Variants in ACE observed in about 807,000 individuals in gnomAD.
ACE encodes the protein angiotensin-converting enzyme.
A neutral mutation model predicts 162.3 loss-of-function variants in ACE; 122 were observed. That is an observed-to-expected ratio of 0.75 (90% CI 0.65 to 0.87). The LOEUF is 0.87. ACE is among the 40% of genes least tolerant of loss of function. ACE has a pLI of 0.00. For synonymous variants in ACE, 796 were observed against 720.6 expected (o/e 1.10, Z -1.68); for missense variants, 1,799 against 1,735.1 (o/e 1.04, Z -0.65).
rs1337718181 is a variant in ACE, at chr17:63,484,363, G to T, written c.1743G>T (p.Trp581Cys). Residue 581 changes from tryptophan to cysteine, a missense_variant, in exon 12 of 25, where the codon TGG becomes TGT. Coordinates refer to ENST00000290866, the MANE Select transcript of ACE (RefSeq NM_000789.4). This position sits in a 1 kb window ranked among gnomAD's most constrained non-coding sequence, Gnocchi z 4.0. ...TGCAGGCTGGCTCCTCCAGGCCCTG[G>T]CAGGAGGTGCTGAAGGACATGGTCG... ...KVLQAGSSRP[W>C]QEVLKDMVGL... 6.2e-7 allele frequency: 1 copy of T among 1,611,406 alleles called. No individual in the cohort carries two copies. The highest frequency in any genetic ancestry group is 2.2e-5 in the East Asian group (1 of 44,862).
chr17:63,491,273 C>T lies in ACE; in HGVS notation c.2804C>T (p.Pro935Leu), dbSNP rs537884559. Residue 935 changes from proline to leucine, a missense_variant, in exon 19 of 25, where the codon CCC becomes CTC. By Grantham distance (98) the Pro-to-Leu change is moderately conservative. Transcript: ENST00000290866. This position sits in a 1 kb window ranked among gnomAD's most constrained non-coding sequence, Gnocchi z 4.4. ...DDFFTSLGLL[P>L]VPPEFWNKSM... ...TTCTTCACCTCCCTGGGGCTGCTGC[C>T]CGTGCCTCCTGAGTTCTGGAACAAG... The T allele has an allele frequency of 2.7e-5, 44 of 1,614,150 alleles. No homozygotes were observed. The South Asian group carries it at 4.0e-4, about 15-fold the overall frequency.
intron 2 of ACE, 31 bp from the exon 3 acceptor site, chr17:63,478,976 A>G: frequency 6.3e-7 from 1 of 1,580,162 alleles, no homozygotes; most frequent in Non-Finnish European, 8.7e-7. Flanking sequence ...GGGGCTGGTC[A>G]CTGGAGCATT....
intron 22 of ACE, among the ~76,000 whole-genome samples, chr17:63,494,741 T>C (rs1371384774): frequency 6.6e-6 from 1 of 152,266 alleles, no homozygotes; most frequent in African/African-American, 2.4e-5. Flanking sequence ...CTTGGTTAAG[T>C]AGTTAACATT....
chr17:63,478,352 G>A, intron 2 of ACE: 2 of 538,424 alleles, frequency 3.7e-6, no homozygotes, highest in Non-Finnish European at 6.7e-6. Flanking sequence ...TCCCTAGGCT[G>A]GTTTATGAGC....
In ACE at chr17:63,491,957, G is replaced by T. The variant is rs1184078483; in HGVS notation, c.2912+576G>T. ...CTTTCTCTACAGGGCCCCCTCTGTT[G>T]GGGGCAGCTCTCACAGCCGGGATGG... On this transcript the variant is annotated intron_variant, in intron 19 of 24. Transcript: ENST00000290866. The surrounding 1 kb of genome is among the most constrained non-coding windows in gnomAD (Gnocchi z 4.4). 6.6e-6 allele frequency among the ~76,000 whole-genome samples: 1 copy of T among 152,244 alleles called. No homozygotes were observed. Among genetic ancestry groups the T allele is most frequent in the Admixed American group, 6.5e-5 (1 of 15,282 alleles).
rs2030408331 is a variant in ACE, at chr17:63,491,856, G to T, written c.2912+475G>T. 6.6e-6 allele frequency among the ~76,000 whole-genome samples: 1 copy of T among 152,228 alleles called. No individual in the cohort carries two copies. Among genetic ancestry groups the T allele is most frequent in the South Asian group, 2.1e-4 (1 of 4,834 alleles). On this transcript the variant is annotated intron_variant, in intron 19 of 24. Transcript: ENST00000290866. The surrounding 1 kb of genome is among the most constrained non-coding windows in gnomAD (Gnocchi z 4.4). ...GTGCAACCAAGCACCCCAGAGCTTA[G>T]CCTTACGAAACAACCAGTTGATTTT... is the stretch of plus-strand genomic sequence containing the variant.
rs3730026 is a variant in ACE at position 63,481,640 on chromosome 17, C to T, written c.1020C>T (p.Pro340=). The part of the protein sequence containing the change: ...FTSLELSPMP[P]EFWEGSMLEK... ...CCCTGGAGCTCTCCCCCATGCCTCC[C>T]GAGTTCTGGGAAGGGTCGATGCTGG... is the stretch of plus-strand genomic sequence containing the variant. Residue 340 remains proline, a synonymous_variant, in exon 7 of 25, where the codon CCC becomes CCT. Transcript: ENST00000290866. The T allele has an allele frequency of 1.5e-4, 249 of 1,614,068 alleles. 1 individual carries two copies. In the East Asian group the frequency reaches 5.1e-3, roughly 33 times the overall value.
Position 63,484,400 on chromosome 17 carries a change from C to T in ACE, c.1780C>T (p.Leu594=). 4 of 1,612,132 alleles carry T rather than the reference C, an allele frequency of 2.5e-6. No individual in the cohort carries two copies. Among genetic ancestry groups the T allele is most frequent in the Non-Finnish European group, 3.4e-6 (4 of 1,179,894 alleles). The change falls in exon 12 of 25, where the codon CTG becomes TTG. Residue 594 remains leucine (L), a synonymous_variant. Transcript: ENST00000290866. The surrounding 1 kb of genome is among the most constrained non-coding windows in gnomAD (Gnocchi z 4.0). Reference sequence around the variant, plus strand: ...GAAGGACATGGTCGGCTTAGATGCCCTGGATGCCCAGCCGCTGCTCAAGTA... The same window carrying T: ...GAAGGACATGGTCGGCTTAGATGCCTTGGATGCCCAGCCGCTGCTCAAGTA... The part of the protein sequence containing the change: ...VLKDMVGLDA[L]DAQPLLKYFQ...
rs929042659 is a variant in ACE at position 63,477,275 on chromosome 17, C to T, written c.181C>T (p.Leu61=). The change falls in exon 1 of 25, where the codon CTG becomes TTG. Residue 61 remains leucine (L), a synonymous_variant. Transcript: ENST00000290866. ...CTACAACTCCAGCGCCGAACAGGTG[C>T]TGTTCCAGAGCGTGGCCGCCAGCTG... The part of the protein sequence containing the change: ...QSYNSSAEQV[L]FQSVAASWAH... 5.4e-5 allele frequency: 80 copies of T among 1,485,754 alleles called. No homozygotes were observed. The highest frequency in any genetic ancestry group is 6.8e-5 in the Non-Finnish European group (76 of 1,117,730). The allele number at this position is 1,485,754 out of a possible 1,614,324, so 92.0% of individuals were successfully genotyped here. A position where few individuals can be genotyped will look rare whatever the true frequency, so the allele number is the denominator to read the frequency against.
In ACE at chr17:63,483,567, G is replaced by GCGGGGGGGGGGCCCCCCCCCCCCCCCCCC; in HGVS notation, c.1586+10_1586+11insGGGGGGGGGGCCCCCCCCCCCCCCCCCCC. ...GTGACACCATACATCAGGTATTAGCGCCCCCACCCCACCCACCCCCAGTAC... is the reference window on the plus strand; with the variant it reads ...GTGACACCATACATCAGGTATTAGCGCGGGGGGGGGGCCCCCCCCCCCCCCCCCCCCCCCACCCCACCCACCCCCAGTAC... On this transcript the variant is annotated intron_variant, in intron 10 of 24. Coordinates refer to ENST00000290866, the MANE Select transcript of ACE (RefSeq NM_000789.4). The GCGGGGGGGGGGCCCCCCCCCCCCCCCCCC allele has an allele frequency of 1.3e-6, 2 of 1,589,432 alleles. No homozygotes were observed. Among genetic ancestry groups the GCGGGGGGGGGGCCCCCCCCCCCCCCCCCC allele is most frequent in the Admixed American group, 1.7e-5 (1 of 58,126 alleles).
chr17:63,484,739 G>T lies in ACE; in HGVS notation c.1921+198G>T, dbSNP rs572855682. ...TCTTTCCCCCAGCATCCTAGAGAGG[G>T]TGTGCTCAGACCTGAGGGCCCCTCC... On this transcript the variant is annotated intron_variant, in intron 12 of 24. Transcript: ENST00000290866. This position sits in a 1 kb window ranked among gnomAD's most constrained non-coding sequence, Gnocchi z 4.0. 6.8e-7 allele frequency: 1 copy of T among 1,461,774 alleles called. No homozygotes were observed. Among genetic ancestry groups the T allele is most frequent in the African/African-American group, 1.4e-5 (1 of 70,804 alleles). The allele number at this position is 1,461,774 out of a possible 1,614,324, so 90.6% of individuals were successfully genotyped here. A position where few individuals can be genotyped will look rare whatever the true frequency, so the allele number is the denominator to read the frequency against.
At chr17:63,480,951 A>ATT (rs1191376296) in intron 5 of ACE, 140 bp from the exon 6 acceptor site, 2 of 792,116 alleles carry the variant, frequency 2.5e-6, no homozygotes, top group East Asian at 5.2e-5. Context: ...GATGTGTGAG[A>ATT]TTTCTGGCCC....
intron 2 of ACE, chr17:63,478,502 C>T: frequency 3.7e-6 from 1 of 268,948 alleles, no homozygotes; most frequent in Non-Finnish European, 7.3e-6. Context: ...CTCGTCTCTA[C>T]AAAAAAAAAA....
At chr17:63,494,553 A>G in intron 22 of ACE, 83 bp downstream of exon 22, 1 of 1,283,392 alleles carries the variant, frequency 7.8e-7, no homozygotes, top group Non-Finnish European at 1.1e-6. Context: ...CCCGGTCCAC[A>G]AGCTCTGTCA....
chr17:63,495,365 C>A (rs1483833801), intron 22 of ACE, among the ~76,000 whole-genome samples: 2 of 152,190 alleles, frequency 1.3e-5, no homozygotes, highest in African/African-American at 4.8e-5. Context: ...GTAGCCCAGG[C>A]CACCCCCAGA....
chr17:63,482,475 G>A lies in ACE; in HGVS notation c.1128G>A (p.Gln376=), dbSNP rs1190121193. 1.2e-6 allele frequency: 2 copies of A among 1,613,884 alleles called. No homozygotes were observed. The highest frequency in any genetic ancestry group is 1.7e-6 in the Non-Finnish European group (2 of 1,180,004). Residue 376 remains glutamine, a synonymous_variant, in exon 8 of 25, where the codon CAG becomes CAA. Transcript: ENST00000290866. ...FYNRKDFRIK[Q]CTRVTMDQLS... The stretch of plus-strand genomic sequence containing the variant: ...CCTCTCTACGCCCCAGGATCAAGCA[G>A]TGCACACGGGTCACGATGGACCAGC...
chr17:63,496,399 T>C lies in ACE; in HGVS notation c.3386T>C (p.Phe1129Ser). ...IPSSVPYIRY[F>S]VSFIIQFQFH... is the part of the protein sequence containing the mutation. Reference sequence around the variant, plus strand: ...ACGGCCTCGCTCTGCTCCAGGTACTTTGTCAGCTTCATCATCCAGTTCCAG... The same window carrying C: ...ACGGCCTCGCTCTGCTCCAGGTACTCTGTCAGCTTCATCATCCAGTTCCAG... The change falls in exon 23 of 25, where the codon TTT becomes TCT. Residue 1129 changes from phenylalanine (F) to serine (S), a missense_variant. Coordinates refer to ENST00000290866, the MANE Select transcript of ACE (RefSeq NM_000789.4). The C allele has an allele frequency of 6.2e-7, 1 of 1,614,132 alleles. No homozygotes were observed.
intron 23 of ACE, 75 bp downstream of exon 23, chr17:63,496,591 G>A: frequency 6.2e-7 from 1 of 1,610,874 alleles, no homozygotes; most frequent in Non-Finnish European, 8.5e-7. Context: ...CTGTCCACTG[G>A]AGCTTTTGTG....
Position 63,483,136 on chromosome 17 carries a change from C to A in ACE, c.1450C>A (p.Pro484Thr). The stretch of plus-strand genomic sequence containing the variant: ...CTGGGGGGTCTTTAGTGGGCGTACC[C>A]CCCCTTCCCGCTACAACTTCGACTG... ...WRWGVFSGRT[P>T]PSRYNFDWWY... The change falls in exon 9 of 25, where the codon CCC becomes ACC. Residue 484 changes from proline to threonine, a missense_variant. Transcript: ENST00000290866. The A allele has an allele frequency of 6.2e-7, 1 of 1,614,066 alleles. No homozygotes were observed. Among genetic ancestry groups the A allele is most frequent in the Non-Finnish European group, 8.5e-7 (1 of 1,180,040 alleles).
Sources: gnomAD v4.1 joint callset for allele counts (sites outside exome capture counted in the v4.1 genomes callset) on GRCh38, gnomAD v4.1.1 for gene constraint, Gnocchi (gnomAD v3.1) non-coding constraint, MANE v1.5 for transcripts, NCBI Gene and HGNC (gene_info 2026-07-23, HGNC 2026-07-21) for gene names.